The following MTO1 variants were observed in gnomAD, a reference collection of about 807,000 sequenced individuals.
MTO1 encodes 5-taurinomethyluridine-[tRNA] synthase subunit MTO1, mitochondrial.
In MTO1, 46 loss-of-function variants were observed where a neutral mutation model predicts 71.6. The ratio of observed to expected loss-of-function variants is 0.64; its 90% CI spans 0.51 to 0.82. MTO1 has a LOEUF of 0.82. Ranked by LOEUF, MTO1 falls within the 40% of genes least tolerant of loss-of-function variation. The pLI, the probability that MTO1 is intolerant of heterozygous loss-of-function variation, is 0.00. For missense variants in MTO1, 773 were observed against 867.5 expected, an observed-to-expected ratio of 0.89 and a Z score of 1.37; for synonymous variants, 297 against 312.1, an observed-to-expected ratio of 0.95 and a Z score of 0.51.
At position 73,479,839 on chromosome 6, in the gene MTO1, A is replaced by G. The variant is rs1264684764; in HGVS notation, c.933A>G (p.Gly311=). The G allele has an allele frequency of 1.9e-6, 3 of 1,611,570 alleles. No individual in the cohort carries two copies. In the East Asian group the frequency reaches 6.7e-5, roughly 36 times the overall value. Reference sequence around the variant, plus strand: ...GTCATGTTAAAGAAACGACAAGAGGACCTCGGTAAGGACAAAATGTCAGTG... The same window carrying G: ...GTCATGTTAAAGAAACGACAAGAGGGCCTCGGTAAGGACAAAATGTCAGTG... ...LNSHVKETTR[G]PRYCPSIESK... The change falls in exon 5 of 12, where the codon GGA becomes GGG. Residue 311 remains glycine (G), a synonymous_variant. Transcript: ENST00000498286.
At position 73,482,172 on chromosome 6, in the gene MTO1, A is replaced by G. The variant is rs1000432861; in HGVS notation, c.1393A>G (p.Met465Val). The change falls in exon 8 of 12, where the codon ATG becomes GTG. Residue 465 changes from methionine to valine, a missense_variant. Transcript: ENST00000498286. ...TTLGTSEPYR[M>V]FTSRVEFRLS... is the part of the protein sequence containing the mutation. ...TCTGGGCACCAGTGAACCATACCGC[A>G]TGTTTACCAGCCGAGTAGAGTTCCG... 1.9e-6 allele frequency: 3 copies of G among 1,614,132 alleles called. No homozygotes were observed. Among genetic ancestry groups the G allele is most frequent in the Middle Eastern group, 3.3e-4 (2 of 6,062 alleles).
At position 73,466,194 on chromosome 6, in the gene MTO1, G is replaced by T. The variant is rs1284832924; in HGVS notation, c.218-15G>T. 2 of 1,597,790 alleles carry T rather than the reference G, an allele frequency of 1.3e-6. No homozygotes were observed. The highest frequency in any genetic ancestry group is 1.3e-5 in the African/African-American group (1 of 74,652). The stretch of plus-strand genomic sequence containing the variant: ...GTGCTCATATATTTATTTTGTTTAT[G>T]TCTATTATCTTTAGGTCAGATGTCA... On this transcript the variant is annotated splice_polypyrimidine_tract_variant and intron_variant, in intron 1 of 11. Coordinates refer to ENST00000498286, the MANE Select transcript of MTO1 (RefSeq NM_012123.4).
At chr6:73,470,393 A>G (rs6453674) in intron 3 of MTO1, among the ~76,000 whole-genome samples, 10,102 of 151,578 alleles carry the variant, frequency 0.067, 452 homozygotes, top group East Asian at 0.19. Context: ...TTTTTAGTAG[A>G]GATGGGGTTT....
rs998574098 is a variant in MTO1 at position 73,506,308 on chromosome 6, A to G, written c.*5573A>G. ...GAAATTTTTATGTTCTTTGTTTGAT[A>G]TGGTTTGGCTGTGTCCCCACCCAAA... On this transcript the variant is annotated 3_prime_UTR_variant, in exon 12 of 12. Transcript: ENST00000498286. 6.6e-6 allele frequency: 1 copy of G among 152,118 alleles called. No individual in the cohort carries two copies. Among genetic ancestry groups the G allele is most frequent in the Non-Finnish European group, 1.5e-5 (1 of 68,062 alleles). 9.4% of individuals were successfully genotyped at this position (152,118 alleles called of 1,614,324 possible).
chr6:73,481,830 C>T (rs562419786), intron 7 of MTO1, among the ~76,000 whole-genome samples: 7 of 152,202 alleles, frequency 4.6e-5, no homozygotes, highest in South Asian at 4.2e-4. Context: ...ATGGATATCT[C>T]TGAAAACAAT....
In MTO1 at chr6:73,462,013, C is replaced by G. The variant is rs761813265; in HGVS notation, c.159C>G (p.Thr53=). The change falls in exon 1 of 12, where the codon ACC becomes ACG. Residue 53 remains threonine, a synonymous_variant. Coordinates refer to ENST00000498286, the MANE Select transcript of MTO1 (RefSeq NM_012123.4). ...GGGHAGTEAA[T]AAARCGSRTL... ...GACATGCCGGGACTGAGGCAGCCAC[C>G]GCCGCCGCTCGGTGCGGCTCTCGGA... 1.2e-6 allele frequency: 2 copies of G among 1,613,902 alleles called. No homozygotes were observed. Among genetic ancestry groups the G allele is most frequent in the Non-Finnish European group, 1.7e-6 (2 of 1,179,932 alleles).
At position 73,501,623 on chromosome 6, in the gene MTO1, G is replaced by C. The variant is rs1772160276; in HGVS notation, c.*888G>C. 6.6e-6 allele frequency: 1 copy of C among 152,148 alleles called. No individual in the cohort carries two copies. The highest frequency in any genetic ancestry group is 1.5e-5 in the Non-Finnish European group (1 of 68,048). 9.4% of individuals were successfully genotyped at this position (152,148 alleles called of 1,614,324 possible). A position where few individuals can be genotyped will look rare whatever the true frequency, so the allele number is the denominator to read the frequency against. The stretch of plus-strand genomic sequence containing the variant: ...TATGTCTTCACAGGGGTTAGAGTGG[G>C]ATAATCAGCTGGGCCTTTTGACTCA... On this transcript the variant is annotated 3_prime_UTR_variant, in exon 12 of 12. Coordinates refer to ENST00000498286, the MANE Select transcript of MTO1 (RefSeq NM_012123.4).
intron 3 of MTO1, among the ~76,000 whole-genome samples, chr6:73,468,405 A>G (rs898153306): frequency 1.3e-5 from 2 of 151,886 alleles, no homozygotes; most frequent in Non-Finnish European, 2.9e-5. Flanking sequence ...AGGCATGAGC[A>G]CTGTGCCCAG....
intron 4 of MTO1, among the ~76,000 whole-genome samples, chr6:73,479,357 T>C (rs1358049554): frequency 6.6e-6 from 1 of 151,768 alleles, no homozygotes; most frequent in African/African-American, 2.4e-5. Context: ...TAGCCGAACG[T>C]AGTGGTGCAT....
intron 3 of MTO1, chr6:73,471,566 C>T (rs1033044992): frequency 2.7e-6 from 1 of 365,882 alleles, no homozygotes; most frequent in African/African-American, 2.2e-5. Context: ...AGGCATGTGT[C>T]ACCACCCCTG....
chr6:73,487,435 C>T (rs1771686505), intron 9 of MTO1, among the ~76,000 whole-genome samples: 1 of 151,596 alleles, frequency 6.6e-6, no homozygotes, highest in South Asian at 2.1e-4. Flanking sequence ...CCTGCCTCGG[C>T]CTCCCAAAAT....
chr6:73,466,986 A>T (rs566591308), intron 3 of MTO1, among the ~76,000 whole-genome samples: 2 of 151,692 alleles, frequency 1.3e-5, no homozygotes, highest in African/African-American at 4.9e-5. Context: ...TATGTTTTTT[A>T]TCAAAATAAC....
At chr6:73,492,577 AGGT>A in intron 10 of MTO1, 1 of 376,348 alleles carries the variant, frequency 2.7e-6, no homozygotes, top group Non-Finnish European at 5.0e-6. Flanking sequence ...TGGGAGGCTG[AGGT>A]GGGCTGATTT....
In MTO1 at chr6:73,482,119, T is replaced by TA; in HGVS notation, c.1341dup (p.Gly448ArgfsTer5). 3 of 1,614,178 alleles carry TA rather than the reference T, an allele frequency of 1.9e-6. No individual in the cohort carries two copies. Among genetic ancestry groups the TA allele is most frequent in the Non-Finnish European group, 2.5e-6 (3 of 1,180,034 alleles). On this transcript the variant is annotated frameshift_variant, in exon 8 of 12. Coordinates refer to ENST00000498286, the MANE Select transcript of MTO1 (RefSeq NM_012123.4). LOFTEE classifies it high-confidence loss of function. ...GTGGTTAGCCGAACAGAAGGTTACA[T>TA]AGGAGTCTTGATTGATGACCTCACT...
In MTO1 at chr6:73,482,061, G is replaced by T; in HGVS notation, c.1282G>T (p.Ala428Ser). The T allele has an allele frequency of 6.2e-7, 1 of 1,614,064 alleles. No homozygotes were observed. The highest frequency in any genetic ancestry group is 8.5e-7 in the Non-Finnish European group (1 of 1,180,026). ...GTAGGGTGTGATAGCCGGAATCAAC[G>T]CCAGTCTTCGGGTCAGTCGCAAGCC... ...AAQGVIAGINASLRVSRKPPF... is the reference protein window; with the variant it reads ...AAQGVIAGINSSLRVSRKPPF... Residue 428 changes from alanine to serine, a missense_variant, in exon 8 of 12, where the codon GCC becomes TCC. Transcript: ENST00000498286.
chr6:73,492,103 CAAA>C (rs5877369), intron 9 of MTO1, 128 bp from the exon 10 acceptor site: 15,899 of 472,626 alleles, frequency 0.034, no homozygotes, highest in South Asian at 0.064. Context: ...GACTCCATCT[CAAA>C]AAAAAAAAAA....
At chr6:73,469,097 C>T (rs1056995424) in intron 3 of MTO1, among the ~76,000 whole-genome samples, 1 of 152,114 alleles carries the variant, frequency 6.6e-6, no homozygotes, top group Non-Finnish European at 1.5e-5. Context: ...TAGCCTCCAC[C>T]TCCCAGAGGT....
intron 1 of MTO1, chr6:73,464,033 A>C (rs1014064127): frequency 6.6e-6 from 1 of 151,960 alleles, no homozygotes; most frequent in Non-Finnish European, 1.5e-5. Flanking sequence ...GAGCCACCAC[A>C]CCTGGCCTGT....
At chr6:73,464,596 A>G (rs1445999683) in intron 1 of MTO1, among the ~76,000 whole-genome samples, 1 of 151,680 alleles carries the variant, frequency 6.6e-6, no homozygotes, top group African/African-American at 2.4e-5. Flanking sequence ...CCTGACCAAC[A>G]TGGAGGAACC....
Sources: gnomAD v4.1 joint callset for allele counts (sites outside exome capture counted in the v4.1 genomes callset) on GRCh38, gnomAD v4.1.1 for gene constraint, MANE v1.5 for transcripts, NCBI Gene and HGNC (gene_info 2026-07-23, HGNC 2026-07-21) for gene names.